The following TMPRSS9 variants were observed in gnomAD, a reference collection of about 807,000 sequenced individuals.
TMPRSS9 encodes transmembrane protease serine 9.
In TMPRSS9, 113 loss-of-function variants were observed where a neutral mutation model predicts 111.4. The observed-to-expected ratio is 1.01, with a 90% CI of 0.87 to 1.19. TMPRSS9 has a LOEUF of 1.19. Among genes scored for constraint, TMPRSS9 ranks in the 50% most tolerant of loss-of-function variants. The probability of loss-of-function intolerance (pLI) is 0.00; values close to 1 mark genes in which losing one functional copy is unlikely to be tolerated. For missense variants in TMPRSS9, 1,803 were observed against 1,513.1 expected (o/e 1.19, Z -3.18); for synonymous variants, 805 against 659.1 (o/e 1.22, Z -3.39).
Position 2,377,918 on chromosome 19 carries a change from C to T in TMPRSS9, c.-25-11843C>T, listed in dbSNP as rs949777943. ...TTTGCAGAGACAGGGTCTCCCTCTG[C>T]CACCCAGGCTGGCACAGTCATAGCT... On this transcript the variant is annotated intron_variant, in intron 1 of 17. Transcript: ENST00000649857. Among the ~76,000 whole-genome samples the T allele has an allele frequency of 3.3e-5, 5 of 150,662 alleles. No individual in the cohort carries two copies. In the East Asian group the frequency reaches 1.0e-3, roughly 30 times the overall value.
Position 2,424,952 on chromosome 19 carries a change from G to T in TMPRSS9, c.2718-50G>T, listed in dbSNP as rs757373550. On this transcript the variant is annotated intron_variant, in intron 15 of 17. Coordinates refer to ENST00000648592, the Ensembl canonical transcript of TMPRSS9. ...GCTGGGGGACACCACAGGGGCGGGG[G>T]CCGGGGGCGTGGGGGCTCGGGCCGA... The T allele has an allele frequency of 1.5e-5, 21 of 1,409,794 alleles. 1 individual carries two copies. In the South Asian group the frequency reaches 3.1e-4, roughly 21 times the overall value. The allele number at this position is 1,409,794 out of a possible 1,614,324, so 87.3% of individuals were successfully genotyped here.
chr19:2,411,732 A>G (rs1221585641), intron 9 of TMPRSS9, among the ~76,000 whole-genome samples: 5 of 152,098 alleles, frequency 3.3e-5, no homozygotes, highest in East Asian at 1.9e-4. Context: ...TTATACTTTT[A>G]GTAAAGACAG....
chr19:2,373,232 T>C (rs538125849), intron 1 of TMPRSS9, among the ~76,000 whole-genome samples: 7 of 152,248 alleles, frequency 4.6e-5, no homozygotes, highest in Admixed American at 3.3e-4. Flanking sequence ...TTTATTTTTA[T>C]ATATTTATTG....
intron 1 of TMPRSS9, among the ~76,000 whole-genome samples, chr19:2,368,786 T>TGTTTTTTTTTTG (rs1384928777): frequency 2.6e-5 from 3 of 116,584 alleles, no homozygotes; most frequent in Non-Finnish European, 1.7e-5. Context: ...TTTTTTTTTT[T>TGTTTTTTTTTTG]TTTTTTTTTT....
intron 8 of TMPRSS9, among the ~76,000 whole-genome samples, chr19:2,409,355 G>A (rs1035065167): frequency 2.0e-5 from 3 of 151,866 alleles, no homozygotes; most frequent in African/African-American, 7.3e-5. Flanking sequence ...TGTTGGCCGG[G>A]CTGGTCTTGA....
At chr19:2,376,359 G>T (rs557526019) in intron 1 of TMPRSS9, among the ~76,000 whole-genome samples, 2 of 152,216 alleles carry the variant, frequency 1.3e-5, no homozygotes, top group Admixed American at 6.6e-5. Context: ...TTGCAGAGTC[G>T]CTTTGGCCAT....
intron 13 of TMPRSS9, among the ~76,000 whole-genome samples, chr19:2,419,795 G>T (rs1049814771): frequency 2.6e-5 from 4 of 152,154 alleles, no homozygotes; most frequent in African/African-American, 9.7e-5. Context: ...AGGATGGCAG[G>T]CCTGAGCCAC....
chr19:2,415,563 G>A (rs1221130976), intron 10 of TMPRSS9, 107 bp from the exon 12 acceptor site: 5 of 1,061,110 alleles, frequency 4.7e-6, no homozygotes, highest in East Asian at 6.0e-5. Flanking sequence ...GAGGGATTGC[G>A]GCATCTTCAG....
At position 2,360,792 on chromosome 19, in the gene TMPRSS9, G is replaced by T. The variant is rs138763169; in HGVS notation, c.-26+432G>T. ...ACTCAGGTGTGGTGTGTAGATGCACGTAGGGTTGTGTGGACGCAGCCGGGA... is the reference window on the plus strand; with the variant it reads ...ACTCAGGTGTGGTGTGTAGATGCACTTAGGGTTGTGTGGACGCAGCCGGGA... On this transcript the variant is annotated intron_variant, in intron 1 of 17. Coordinates refer to the TMPRSS9 transcript ENST00000649857. Among the ~76,000 whole-genome samples the T allele has an allele frequency of 4.7e-3, 717 of 151,602 alleles. 2 individuals carry two copies. Among genetic ancestry groups the T allele is most frequent in the Non-Finnish European group, 8.8e-3 (595 of 67,862 alleles).
At chr19:2,408,233 C>T (rs1395682170) in intron 7 of TMPRSS9, 123 bp from the exon 9 acceptor site, 5 of 939,530 alleles carry the variant, frequency 5.3e-6, no homozygotes, top group Admixed American at 5.3e-5. Context: ...TTTATAAATA[C>T]TATTCATAAA....
chr19:2,406,062 G>C (rs1204994430), intron 7 of TMPRSS9, among the ~76,000 whole-genome samples: 2 of 139,184 alleles, frequency 1.4e-5, no homozygotes, highest in Non-Finnish European at 3.1e-5. Flanking sequence ...CCAGGCTGGA[G>C]TGCAGTGGCG....
At chr19:2,389,691 CCTTG>C (rs1246912062), upstream of TMPRSS9, 5 of 1,462,294 alleles carry the variant, frequency 3.4e-6, no homozygotes, top group Non-Finnish European at 4.6e-6. Flanking sequence ...TAGTTGCAAC[CCTTG>C]CTTATGGGAA....
At chr19:2,416,462 GC>G (rs767889624) in intron 11 of TMPRSS9, 75 bp from the exon 13 acceptor site, 92 of 1,526,360 alleles carry the variant, frequency 6.0e-5, no homozygotes, top group Non-Finnish European at 8.0e-5. Context: ...CTGGGGGTGT[GC>G]ATCAGCCCTG....
intron 1 of TMPRSS9, 163 bp from the exon 3 acceptor site, chr19:2,396,376 G>A: frequency 2.7e-6 from 2 of 751,290 alleles, no homozygotes; most frequent in South Asian, 3.1e-5. Context: ...AGCCCTGTGA[G>A]TAGCTATTCA....
chr19:2,393,006 A>G (rs1970630139), intron 1 of TMPRSS9, among the ~76,000 whole-genome samples: 4 of 152,132 alleles, frequency 2.6e-5, no homozygotes, highest in African/African-American at 7.2e-5. Context: ...CAGGGATTGT[A>G]AACACACCAA....
At chr19:2,422,211 G>T in exon 14 of TMPRSS9, 1 of 1,525,944 alleles carries the variant, frequency 6.6e-7, no homozygotes, top group Non-Finnish European at 8.8e-7. Context: ...GCCATTTCCA[G>T]ACGCCCCGGA....
At position 2,401,206 on chromosome 19, in the gene TMPRSS9, G is replaced by A. The variant is rs139175229; in HGVS notation, c.515-769G>A. Among the ~76,000 whole-genome samples the A allele has an allele frequency of 8.7e-3, 1,320 of 152,146 alleles. 8 individuals are homozygous for A. The highest frequency in any genetic ancestry group is 0.015 in the Non-Finnish European group (987 of 68,004). On this transcript the variant is annotated intron_variant, in intron 4 of 17. Coordinates refer to ENST00000648592, the Ensembl canonical transcript of TMPRSS9. Reference sequence around the variant, plus strand: ...GGAGAATAGCGTGAACCCGGGAGGCGGAGCTTGAAGTGAGCCGAGATCGCG... The same window carrying A: ...GGAGAATAGCGTGAACCCGGGAGGCAGAGCTTGAAGTGAGCCGAGATCGCG...
chr19:2,384,777 C>T (rs147603646), upstream of TMPRSS9, among the ~76,000 whole-genome samples: 6,162 of 146,566 alleles, frequency 0.042, 151 homozygotes, highest in African/African-American at 0.051. Context: ...ATCGCACCAC[C>T]GCACTCCAGC....
chr19:2,379,874 G>T (rs1970373407), intron 1 of TMPRSS9, among the ~76,000 whole-genome samples: 1 of 151,466 alleles, frequency 6.6e-6, no homozygotes, highest in South Asian at 2.1e-4. Context: ...TCAGCCTCAA[G>T]AGTAGCTGGG....
Sources: allele counts gnomAD v4.1 joint callset (sites outside exome capture counted in the v4.1 genomes callset), GRCh38; gene constraint gnomAD v4.1.1; transcripts MANE v1.5; gene names NCBI Gene and HGNC (gene_info 2026-07-23, HGNC 2026-07-21).